Variants in ACSBG2 observed in about 807,000 individuals in gnomAD.
The protein encoded by ACSBG2 is acyl-CoA synthetase bubblegum family member 2.
Under a neutral mutation model 74.7 loss-of-function variants are expected in ACSBG2, and 62 were observed. The observed-to-expected ratio is 0.83, with a 90% CI of 0.68 to 1.03. The LOEUF (loss-of-function observed/expected upper bound fraction) is 1.03, where lower values mean the gene tolerates loss of function less well. ACSBG2 is among the 50% of genes least tolerant of loss of function. The pLI is 0.00. For synonymous variants in ACSBG2, 309 were observed against 294.1 expected (o/e 1.05, Z -0.52); for missense variants, 730 against 817.6 (o/e 0.89, Z 1.31).
intron 1 of ACSBG2, among the ~76,000 whole-genome samples, chr19:6,136,842 G>A (rs961305644): frequency 1.3e-5 from 2 of 152,122 alleles, no homozygotes; most frequent in African/African-American, 4.8e-5. Context: ...TGATCCACCT[G>A]CCACGGCCTC....
In ACSBG2 at chr19:6,180,971, G is replaced by C. The variant is rs2090228238; in HGVS notation, c.907-1780G>C. On this transcript the variant is annotated intron_variant, in intron 8 of 14. Coordinates refer to ENST00000588485, the MANE Select transcript of ACSBG2 (RefSeq NM_030924.5). The surrounding 1 kb of genome is among the most constrained non-coding windows in gnomAD (Gnocchi z 4.3). ...CCAGTACTTTGGGAGGCCAAGGCAG[G>C]CAGATTGCTTAAGGTCAAGAGTTTA... Among the ~76,000 whole-genome samples the C allele has an allele frequency of 6.6e-6, 1 of 151,586 alleles. No individual in the cohort carries two copies. The highest frequency in any genetic ancestry group is 2.1e-4 in the South Asian group (1 of 4,818).
chr19:6,161,976 G>A (rs1270219154), intron 6 of ACSBG2, among the ~76,000 whole-genome samples: 3 of 152,154 alleles, frequency 2.0e-5, no homozygotes, highest in Non-Finnish European at 4.4e-5. Flanking sequence ...ACAACATTAA[G>A]TTTAAATATT....
At chr19:6,154,491 T>C (rs953628017) in intron 4 of ACSBG2, among the ~76,000 whole-genome samples, 1 of 147,266 alleles carries the variant, frequency 6.8e-6, no homozygotes, top group Non-Finnish European at 1.5e-5. Context: ...ATATAATACA[T>C]ATAATAATAT....
rs61386619 is a variant in ACSBG2, at chr19:6,174,139, G to A, written c.739-3090G>A. Among the ~76,000 whole-genome samples the A allele has an allele frequency of 1.6e-4, 24 of 152,006 alleles. No homozygotes were observed. The highest frequency in any genetic ancestry group is 4.6e-4 in the Admixed American group (7 of 15,256). ...ATTAGTAGAGATGGGGTTTCACCAC[G>A]TTGGCCAGGCTGGTCTCGAACTCCT... On this transcript the variant is annotated intron_variant, in intron 7 of 14. Coordinates refer to ENST00000588485, the MANE Select transcript of ACSBG2 (RefSeq NM_030924.5). The surrounding 1 kb of genome is among the most constrained non-coding windows in gnomAD (Gnocchi z 4.2).
intron 4 of ACSBG2, among the ~76,000 whole-genome samples, chr19:6,153,693 T>C (rs1322679464): frequency 6.6e-6 from 1 of 151,632 alleles, no homozygotes; most frequent in African/African-American, 2.4e-5. Context: ...AAAAGTGTTT[T>C]TAAAATTAGC....
chr19:6,176,509 C>T, intron 7 of ACSBG2: 1 of 799,488 alleles, frequency 1.3e-6, no homozygotes, highest in Non-Finnish European at 1.8e-6. Flanking sequence ...CACACACACA[C>T]ACGCACTCAG....
intron 2 of ACSBG2, among the ~76,000 whole-genome samples, chr19:6,145,550 A>C (rs2089000531): frequency 6.6e-6 from 1 of 152,120 alleles, no homozygotes; most frequent in Non-Finnish European, 1.5e-5. Context: ...CAGTTGAACA[A>C]ACGCAAGGTT....
chr19:6,170,193 CT>C (rs879385714), intron 7 of ACSBG2, among the ~76,000 whole-genome samples: 8 of 152,090 alleles, frequency 5.3e-5, no homozygotes, highest in Admixed American at 1.3e-4. Context: ...AACTTTTCCC[CT>C]TCAGTATGAT....
chr19:6,190,699 T>C lies in ACSBG2; in HGVS notation c.*35+7T>C, dbSNP rs772536348. 7.6e-6 allele frequency: 12 copies of C among 1,586,318 alleles called. No homozygotes were observed. In the Admixed American group the frequency reaches 1.8e-4, roughly 24 times the overall value. On this transcript the variant is annotated splice_region_variant and intron_variant, in intron 14 of 14. Transcript: ENST00000588485. ...GCTCTCAGCTGTTCTGATGGTGAGA[T>C]TCAGTTGCTTGGCTTTGCTGGGCTA...
intron 3 of ACSBG2, among the ~76,000 whole-genome samples, chr19:6,149,119 A>C (rs2089145112): frequency 6.6e-6 from 1 of 152,104 alleles, no homozygotes; most frequent in African/African-American, 2.4e-5. Flanking sequence ...CAAACAAACA[A>C]AACTTGGAGA....
rs747563056 is a variant in ACSBG2, at chr19:6,165,907, C to A, written c.630C>A (p.Thr210=). 6.2e-7 allele frequency: 1 copy of A among 1,614,146 alleles called. No homozygotes were observed. Among genetic ancestry groups the A allele is most frequent in the East Asian group, 2.2e-5 (1 of 44,884 alleles). The change falls in exon 7 of 15, where the codon ACC becomes ACA. Residue 210 remains threonine (T), a synonymous_variant. Coordinates refer to ENST00000588485, the MANE Select transcript of ACSBG2 (RefSeq NM_030924.5). Reference sequence around the variant, plus strand: ...AACTTGGCAGAAGTATCCCTGACACCCAACTGGAGCAGGTCATCGAGAGCC... The same window carrying A: ...AACTTGGCAGAAGTATCCCTGACACACAACTGGAGCAGGTCATCGAGAGCC... ...FMELGRSIPD[T]QLEQVIESQK...
intron 4 of ACSBG2, among the ~76,000 whole-genome samples, chr19:6,152,232 C>G (rs1256072040): frequency 2.0e-5 from 3 of 151,986 alleles, no homozygotes; most frequent in Non-Finnish European, 4.4e-5. Context: ...CCCAACTCGG[C>G]CTCCAGGGTA....
chr19:6,192,466 G>A (rs1437098066), intron 14 of ACSBG2, among the ~76,000 whole-genome samples: 1 of 152,164 alleles, frequency 6.6e-6, no homozygotes, highest in African/African-American at 2.4e-5. Context: ...TTGTTAAATT[G>A]CATAGGTGGC....
In ACSBG2 at chr19:6,180,041, C is replaced by T. The variant is rs1029648406; in HGVS notation, c.906+2645C>T. On this transcript the variant is annotated intron_variant, in intron 8 of 14. Coordinates refer to ENST00000588485, the MANE Select transcript of ACSBG2 (RefSeq NM_030924.5). This position sits in a 1 kb window ranked among gnomAD's most constrained non-coding sequence, Gnocchi z 4.3. ...GACCTTTTCCAGCTTCTAGAGGCCACCTATGTTCCTTATCTCAGGGCCCCT... is the reference window on the plus strand; with the variant it reads ...GACCTTTTCCAGCTTCTAGAGGCCATCTATGTTCCTTATCTCAGGGCCCCT... 6.6e-6 allele frequency among the ~76,000 whole-genome samples: 1 copy of T among 152,136 alleles called. No homozygotes were observed. The highest frequency in any genetic ancestry group is 2.4e-5 in the African/African-American group (1 of 41,410).
At chr19:6,160,620 G>A (rs995205477) in intron 5 of ACSBG2, 1 of 152,196 alleles carries the variant, frequency 6.6e-6, no homozygotes, top group African/African-American at 2.4e-5. Context: ...CATCAACCAA[G>A]ATCCACAATT....
chr19:6,176,689 G>C (rs980452181), intron 7 of ACSBG2, among the ~76,000 whole-genome samples: 3 of 151,942 alleles, frequency 2.0e-5, no homozygotes, highest in Admixed American at 1.3e-4. Context: ...TCATTCGACA[G>C]ATTTTTTGGG....
At chr19:6,169,766 G>GA (rs1267633481) in intron 7 of ACSBG2, among the ~76,000 whole-genome samples, 1 of 152,074 alleles carries the variant, frequency 6.6e-6, no homozygotes, top group African/African-American at 2.4e-5. Context: ...TCAATGTTTT[G>GA]AAAAGTTATT....
At chr19:6,142,815 A>G (rs1429778523) in intron 2 of ACSBG2, among the ~76,000 whole-genome samples, 1 of 151,806 alleles carries the variant, frequency 6.6e-6, no homozygotes, top group African/African-American at 2.4e-5. Context: ...CTTGCATTGC[A>G]AAGTACACAT....
Position 6,187,803 on chromosome 19 carries a change from G to A in ACSBG2, c.1885G>A (p.Val629Ile), listed in dbSNP as rs576731275. 54 of 1,614,202 alleles carry A rather than the reference G, an allele frequency of 3.3e-5. No homozygotes were observed. The East Asian group carries it at 1.2e-3, about 35-fold the overall frequency. Residue 629 changes from valine (V) to isoleucine (I), a missense_variant, in exon 13 of 15, where the codon GTC becomes ATC. Val to Ile is a conservative substitution (Grantham distance 29). Coordinates refer to ENST00000588485, the MANE Select transcript of ACSBG2 (RefSeq NM_030924.5). The stretch of plus-strand genomic sequence containing the variant: ...CAATGCACAGAGGATTGAAAAGTGG[G>A]TCATCTTGGAGAAGGACTTTTCCAT... ...MNNAQRIEKW[V>I]ILEKDFSIYG...
Sources: allele counts gnomAD v4.1 joint callset (sites outside exome capture counted in the v4.1 genomes callset), GRCh38; gene constraint gnomAD v4.1.1; non-coding constraint Gnocchi (gnomAD v3.1); transcripts MANE v1.5; gene names NCBI Gene and HGNC (gene_info 2026-07-23, HGNC 2026-07-21).